Variants in ZFR2 observed in about 807,000 individuals in gnomAD.
ZFR2 encodes the protein zinc finger RNA-binding protein 2.
In ZFR2, 104 loss-of-function variants were observed where a neutral mutation model predicts 105.7. The observed-to-expected ratio is 0.98, with a 90% CI of 0.84 to 1.16. The LOEUF is 1.16. Among genes scored for constraint, ZFR2 ranks in the 50% most tolerant of loss-of-function variants. The pLI is 0.00. For missense variants in ZFR2, 1,425 were observed against 1,355.5 expected (o/e 1.05, Z -0.80); for synonymous variants, 634 against 597.7 (o/e 1.06, Z -0.89).
intron 1 of ZFR2, 102 bp from the exon 2 acceptor site, chr19:3,835,085 CCCTG>C: frequency 7.2e-7 from 1 of 1,382,590 alleles, no homozygotes. Context: ...ACCTGAGCTG[CCCTG>C]CTTGGTGGAG....
intron 7 of ZFR2, among the ~76,000 whole-genome samples, chr19:3,824,628 G>A (rs567539794): frequency 5.3e-5 from 8 of 152,176 alleles, no homozygotes; most frequent in Non-Finnish European, 8.8e-5. Flanking sequence ...CCCAGCACCC[G>A]GCACCAGGCC....
rs564429260 is a variant in ZFR2 at position 3,827,759 on chromosome 19, A to G, written c.853-106T>C. On this transcript the variant is annotated intron_variant, in intron 5 of 18. Transcript: ENST00000262961. ...GCGCGAGGGAACTCGGTGGTAACAG[A>G]GGCCCGCTGTCCCCAACCCTCCATT... is the stretch of plus-strand genomic sequence containing the variant. 4 of 1,291,492 alleles carry G rather than the reference A, an allele frequency of 3.1e-6. No homozygotes were observed. The African/African-American group carries it at 4.5e-5, about 15-fold the overall frequency. 80.0% of individuals were successfully genotyped at this position (1,291,492 alleles called of 1,614,324 possible).
At chr19:3,835,102 C>A (rs2145165111) in intron 1 of ZFR2, 119 bp from the exon 2 acceptor site, 5 of 1,186,878 alleles carry the variant, frequency 4.2e-6, no homozygotes, top group South Asian at 1.3e-5. Flanking sequence ...TGGTGGAGAC[C>A]CTCCTAGGAG....
intron 15 of ZFR2, 107 bp from the exon 16 acceptor site, chr19:3,810,952 T>A: frequency 7.9e-7 from 1 of 1,271,898 alleles, no homozygotes; most frequent in Non-Finnish European, 1.1e-6. Flanking sequence ...ATAGGGAGCC[T>A]GGCGGGCCTC....
chr19:3,820,561 A>T (rs1312729538), intron 10 of ZFR2, among the ~76,000 whole-genome samples: 1 of 152,128 alleles, frequency 6.6e-6, no homozygotes, highest in African/African-American at 2.4e-5. Context: ...TCCCTTCCCA[A>T]TGCAGACCTG....
intron 1 of ZFR2, among the ~76,000 whole-genome samples, chr19:3,849,977 C>T (rs1350195501): frequency 6.6e-6 from 1 of 152,168 alleles, no homozygotes. Flanking sequence ...TGTGAGCAGA[C>T]TGAGGACCTG....
chr19:3,857,232 C>T (rs2038315108), intron 1 of ZFR2, among the ~76,000 whole-genome samples: 1 of 151,646 alleles, frequency 6.6e-6, no homozygotes, highest in African/African-American at 2.4e-5. Flanking sequence ...GGACTACAGG[C>T]GCACCCCACC....
At chr19:3,835,794 A>C (rs556281045) in intron 1 of ZFR2, among the ~76,000 whole-genome samples, 25 of 152,058 alleles carry the variant, frequency 1.6e-4, no homozygotes, top group Admixed American at 1.5e-3. Flanking sequence ...AAATTAAAAA[A>C]AAACAAACAA....
At chr19:3,859,524 G>A (rs996466501) in intron 1 of ZFR2, among the ~76,000 whole-genome samples, 7 of 152,230 alleles carry the variant, frequency 4.6e-5, no homozygotes, top group Non-Finnish European at 7.3e-5. Context: ...TCCAGCCACT[G>A]ACTTCCGTGC....
At chr19:3,865,334 G>A (rs1371615784) in intron 1 of ZFR2, among the ~76,000 whole-genome samples, 2 of 151,960 alleles carry the variant, frequency 1.3e-5, no homozygotes, top group Non-Finnish European at 2.9e-5. Context: ...CCTACCCAGG[G>A]CTACGGTTAT....
intron 17 of ZFR2, among the ~76,000 whole-genome samples, chr19:3,808,612 T>C (rs2037728535): frequency 6.6e-6 from 1 of 152,232 alleles, no homozygotes. Flanking sequence ...CCAGAGAACA[T>C]AACTGTTGTC....
intron 7 of ZFR2, 147 bp downstream of exon 7, chr19:3,825,083 A>C: frequency 1.1e-6 from 1 of 949,368 alleles, no homozygotes; most frequent in Non-Finnish European, 1.5e-6. Context: ...CTCTGCAGGA[A>C]TAAGGGAGAG....
At position 3,838,039 on chromosome 19, in the gene ZFR2, A is replaced by ATGAACACCATGACCGTGACACG. The variant is rs2038095711; in HGVS notation, c.54-3057_54-3056insCGTGTCACGGTCATGGTGTTCA. On this transcript the variant is annotated intron_variant, in intron 1 of 18. Transcript: ENST00000262961. The surrounding 1 kb of genome is among the most constrained non-coding windows in gnomAD (Gnocchi z 4.9). ...TTGATGAACACCGTGACTGTGACAC[A>ATGAACACCATGACCGTGACACG]CGATGAACACCATGACCGTGACACG... is the stretch of plus-strand genomic sequence containing the variant. Among the ~76,000 whole-genome samples, 2 of 151,248 alleles carry ATGAACACCATGACCGTGACACG rather than the reference A, an allele frequency of 1.3e-5. No individual in the cohort carries two copies. Among genetic ancestry groups the ATGAACACCATGACCGTGACACG allele is most frequent in the African/African-American group, 4.8e-5 (2 of 41,308 alleles).
rs774022109 is a variant in ZFR2, at chr19:3,813,892, C to A, written c.2170G>T (p.Glu724Ter). Residue 724 changes from glutamate to a stop codon, truncating the protein, a stop_gained, in exon 14 of 19, where the codon GAG becomes TAG. Transcript: ENST00000262961. LOFTEE classifies it high-confidence loss of function. This position sits in a 1 kb window ranked among gnomAD's most constrained non-coding sequence, Gnocchi z 4.4. ...PEANIVISSC[E>*]EPRMQVTISV... ...ATGGTGACCTGCATCCTGGGCTCCTCACAGGAGGAGATGACAATGTTGGCT... is the reference window on the plus strand; with the variant it reads ...ATGGTGACCTGCATCCTGGGCTCCTAACAGGAGGAGATGACAATGTTGGCT... The A allele has an allele frequency of 1.2e-6, 2 of 1,613,936 alleles. No individual in the cohort carries two copies. The highest frequency in any genetic ancestry group is 8.5e-7 in the Non-Finnish European group (1 of 1,179,870).
intron 8 of ZFR2, among the ~76,000 whole-genome samples, 175 bp from the exon 9 acceptor site, chr19:3,822,375 C>T (rs928175441): frequency 1.3e-5 from 2 of 151,542 alleles, no homozygotes; most frequent in African/African-American, 2.4e-5. Flanking sequence ...TACAGTGGCT[C>T]GGTCTTGGCT....
chr19:3,821,941 T>C lies in ZFR2; in HGVS notation c.1491+140A>G, dbSNP rs1295645960. 1.7e-5 allele frequency: 22 copies of C among 1,331,812 alleles called. No homozygotes were observed. In the East Asian group the frequency reaches 5.1e-4, roughly 31 times the overall value. 82.5% of individuals were successfully genotyped at this position (1,331,812 alleles called of 1,614,324 possible). ...CACTTTTGAGACGAGGACCAAGACG[T>C]TGAAAACCCAGAAAATCACCCCTCC... is the stretch of plus-strand genomic sequence containing the variant. On this transcript the variant is annotated intron_variant, in intron 9 of 18. Coordinates refer to ENST00000262961, the MANE Select transcript of ZFR2 (RefSeq NM_015174.2).
At chr19:3,811,544 T>G (rs141365194) in intron 14 of ZFR2, among the ~76,000 whole-genome samples, 178 bp from the exon 15 acceptor site, 6 of 151,858 alleles carry the variant, frequency 4.0e-5, no homozygotes, top group Middle Eastern at 3.4e-3. Context: ...AACCTCTGTC[T>G]CCGGGGTTCA....
chr19:3,834,666 G>A lies in ZFR2; in HGVS notation c.264+107C>T, dbSNP rs973625530. The A allele has an allele frequency of 2.5e-5, 30 of 1,212,232 alleles. No homozygotes were observed. The South Asian group carries it at 3.1e-4, about 13-fold the overall frequency. 75.1% of individuals were successfully genotyped at this position (1,212,232 alleles called of 1,614,324 possible). On this transcript the variant is annotated intron_variant, in intron 2 of 18. Transcript: ENST00000262961. The surrounding 1 kb of genome is among the most constrained non-coding windows in gnomAD (Gnocchi z 5.3). ...AGAAGGGTCCCGAAGGAAGGATCACGGTTAAGAGGCCTGGGAGAAGGAGTA... is the reference window on the plus strand; with the variant it reads ...AGAAGGGTCCCGAAGGAAGGATCACAGTTAAGAGGCCTGGGAGAAGGAGTA...
chr19:3,861,201 G>C (rs934869907), intron 1 of ZFR2, among the ~76,000 whole-genome samples: 1 of 152,022 alleles, frequency 6.6e-6, no homozygotes, highest in African/African-American at 2.4e-5. Flanking sequence ...CATTTAAAAA[G>C]GCAAATGGAA....
Sources: gnomAD v4.1 joint callset for allele counts (sites outside exome capture counted in the v4.1 genomes callset) on GRCh38, gnomAD v4.1.1 for gene constraint, Gnocchi (gnomAD v3.1) non-coding constraint, MANE v1.5 for transcripts, NCBI Gene and HGNC (gene_info 2026-07-23, HGNC 2026-07-21) for gene names.